SIL1: variants seen among roughly 807,000 people sequenced by gnomAD.
SIL1 encodes the protein SIL1 nucleotide exchange factor.
In SIL1, 40 loss-of-function variants were observed where a neutral mutation model predicts 49.1. The ratio of observed to expected loss-of-function variants is 0.81; its 90% CI spans 0.63 to 1.06. SIL1 has a LOEUF of 1.06. Ranked by LOEUF, SIL1 falls within the 50% of genes least tolerant of loss-of-function variation. The pLI is 0.00. For synonymous variants in SIL1, 253 were observed against 250.8 expected, an observed-to-expected ratio of 1.01 and a Z score of -0.08; for missense variants, 500 against 572.6, an observed-to-expected ratio of 0.87 and a Z score of 1.29.
At position 139,176,021 on chromosome 5, in the gene SIL1, T is replaced by G. The variant is rs561177731; in HGVS notation, c.-11+22248A>C. On this transcript the variant is annotated intron_variant, in intron 1 of 9. Coordinates refer to ENST00000394817, the MANE Select transcript of SIL1 (RefSeq NM_022464.5). ...TCTTATGACCTTTTTTGTGAGACAG[T>G]GTCTCACTCTGTGGCCCAGGCTAGA... 6.6e-5 allele frequency among the ~76,000 whole-genome samples: 10 copies of G among 151,950 alleles called. No individual in the cohort carries two copies. In the East Asian group the frequency reaches 1.5e-3, roughly 23 times the overall value.
rs1223776534 is a variant in SIL1, at chr5:139,026,969, C to T, written c.477G>A (p.Arg159=). The change falls in exon 6 of 10, where the codon CGG becomes CGA. Residue 159 remains arginine (R), a synonymous_variant. Coordinates refer to ENST00000394817, the MANE Select transcript of SIL1 (RefSeq NM_022464.5). ...TCAGTTCCTCAATGGGGCGGAAGAG[C>T]CGCTTTACCTCAGCCTGCCTTGCCT... The part of the protein sequence containing the change: ...EDKARQAEVK[R]LFRPIEELKK... 6.2e-7 allele frequency: 1 copy of T among 1,614,168 alleles called. No homozygotes were observed. Among genetic ancestry groups the T allele is most frequent in the Admixed American group, 1.7e-5 (1 of 60,026 alleles).
At chr5:139,056,722 C>T (rs76632320) in intron 3 of SIL1, among the ~76,000 whole-genome samples, 62,174 of 149,744 alleles carry the variant, frequency 0.42, 13,700 homozygotes, top group African/African-American at 0.58. Context: ...CCCGGCCAGC[C>T]GCCCCGCCCG....
Position 139,021,215 on chromosome 5 carries a change from G to C in SIL1, c.723C>G (p.Leu241=). ...GCACAAACGCAGCATACTCCTTCACGAGGGGCTCTGTGCTGTTCAGCCCAT... is the reference window on the plus strand; with the variant it reads ...GCACAAACGCAGCATACTCCTTCACCAGGGGCTCTGTGCTGTTCAGCCCAT... ...VINGLNSTEP[L]VKEYAAFVLG... Residue 241 remains leucine, a synonymous_variant, in exon 7 of 10, where the codon CTC becomes CTG. Transcript: ENST00000394817. 6.2e-7 allele frequency: 1 copy of C among 1,614,126 alleles called. No individual in the cohort carries two copies. Among genetic ancestry groups the C allele is most frequent in the Non-Finnish European group, 8.5e-7 (1 of 1,180,018 alleles).
chr5:139,181,076 C>G (rs977059115), intron 1 of SIL1, among the ~76,000 whole-genome samples: 2 of 152,158 alleles, frequency 1.3e-5, no homozygotes, highest in Admixed American at 1.3e-4. Flanking sequence ...AACTATTATG[C>G]CATTATAATA....
At chr5:139,144,343 A>G (rs1651897105) in intron 1 of SIL1, among the ~76,000 whole-genome samples, 1 of 152,146 alleles carries the variant, frequency 6.6e-6, no homozygotes, top group Non-Finnish European at 1.5e-5. Flanking sequence ...CAAAAACAAA[A>G]AACAGCAAAG....
intron 7 of SIL1, among the ~76,000 whole-genome samples, chr5:138,952,185 G>A (rs147494415): frequency 2.6e-5 from 4 of 152,348 alleles, no homozygotes; most frequent in East Asian, 3.9e-4. Flanking sequence ...AAGACATTTC[G>A]ATGCCGAAGG....
intron 5 of SIL1, among the ~76,000 whole-genome samples, chr5:139,032,348 CTGATA>C (rs1768812065): frequency 6.6e-6 from 1 of 152,170 alleles, no homozygotes; most frequent in South Asian, 2.1e-4. Context: ...CTTTAGCCTA[CTGATA>C]TGTTGGGTTA....
At chr5:139,096,035 G>A (rs1047217120) in intron 3 of SIL1, among the ~76,000 whole-genome samples, 1 of 152,142 alleles carries the variant, frequency 6.6e-6, no homozygotes, top group African/African-American at 2.4e-5. Flanking sequence ...GTCGCTGAAA[G>A]ACGCACTGAA....
At position 139,143,253 on chromosome 5, in the gene SIL1, ATATAAACACATATATAC is replaced by A. The variant is rs1404128852; in HGVS notation, c.-10-15417_-10-15401del. The stretch of plus-strand genomic sequence containing the variant: ...TATATACATATATGTATATATACAT[ATATAAACACATATATAC>A]ACACATATGTATATACACATGTGTA... On this transcript the variant is annotated intron_variant, in intron 1 of 9. Coordinates refer to ENST00000394817, the MANE Select transcript of SIL1 (RefSeq NM_022464.5). 6.5e-4 allele frequency among the ~76,000 whole-genome samples: 57 copies of A among 88,332 alleles called. 1 individual carries two copies. The African/African-American group carries it at 7.1e-3, about 11-fold the overall frequency. 57.9% of individuals were successfully genotyped at this position (88,332 alleles called of 152,430 possible).
At chr5:139,092,468 G>C (rs1770362582) in intron 3 of SIL1, among the ~76,000 whole-genome samples, 1 of 152,138 alleles carries the variant, frequency 6.6e-6, no homozygotes, top group South Asian at 2.1e-4. Context: ...GGGACCCTTG[G>C]CCTCTTCCTT....
intron 1 of SIL1, among the ~76,000 whole-genome samples, chr5:139,193,043 A>C (rs1205379981): frequency 6.6e-6 from 1 of 151,238 alleles, no homozygotes; most frequent in Non-Finnish European, 1.5e-5. Context: ...GGAAACGAAA[A>C]AGCTTGTGGT....
chr5:139,141,118 T>C (rs1751073183), intron 1 of SIL1, among the ~76,000 whole-genome samples: 1 of 152,152 alleles, frequency 6.6e-6, no homozygotes, highest in South Asian at 2.1e-4. Context: ...TCAGTGAAGC[T>C]CTATTTCATA....
intron 2 of SIL1, among the ~76,000 whole-genome samples, chr5:139,125,786 C>T (rs1320126626): frequency 6.6e-6 from 1 of 152,194 alleles, no homozygotes; most frequent in South Asian, 2.1e-4. Context: ...GGCTCCACTA[C>T]TGTACCCGCC....
intron 1 of SIL1, among the ~76,000 whole-genome samples, chr5:139,190,721 A>C (rs1473895940): frequency 6.6e-6 from 1 of 152,186 alleles, no homozygotes; most frequent in African/African-American, 2.4e-5. Flanking sequence ...GCAGTAACAG[A>C]ACTAGAAGTG....
At chr5:139,042,800 G>A (rs746419511) in intron 4 of SIL1, 81 bp from the exon 5 acceptor site, 12 of 1,258,094 alleles carry the variant, frequency 9.5e-6, no homozygotes, top group African/African-American at 1.5e-5. Flanking sequence ...TACTCTGGGT[G>A]GCCAAGATGG....
intron 3 of SIL1, among the ~76,000 whole-genome samples, chr5:139,056,563 C>A (rs1313340054): frequency 7.6e-6 from 1 of 130,958 alleles, no homozygotes; most frequent in East Asian, 2.3e-4. Flanking sequence ...GTCAGCCCCC[C>A]GACCGGCCAG....
At chr5:138,969,571 T>C (rs921210664) in intron 7 of SIL1, among the ~76,000 whole-genome samples, 12 of 152,242 alleles carry the variant, frequency 7.9e-5, no homozygotes, top group African/African-American at 2.9e-4. Flanking sequence ...CAGTCAGCTC[T>C]GCCCGAGGTC....
chr5:139,155,761 T>C (rs893447443), intron 1 of SIL1, among the ~76,000 whole-genome samples: 17 of 151,812 alleles, frequency 1.1e-4, no homozygotes, highest in African/African-American at 4.1e-4. Context: ...CTGCAGACCA[T>C]AGCAGGTGAC....
chr5:139,090,766 G>A (rs1770326878), intron 3 of SIL1, among the ~76,000 whole-genome samples: 1 of 151,974 alleles, frequency 6.6e-6, no homozygotes, highest in South Asian at 2.1e-4. Context: ...CACTACACCT[G>A]GCTAATTTTT....
Sources: allele counts gnomAD v4.1 joint callset (sites outside exome capture counted in the v4.1 genomes callset), GRCh38; gene constraint gnomAD v4.1.1; transcripts MANE v1.5; gene names NCBI Gene and HGNC (gene_info 2026-07-23, HGNC 2026-07-21).